Variants in PARVB observed in about 807,000 individuals in gnomAD.
The protein encoded by PARVB is beta-parvin.
PARVB carries 46 observed loss-of-function variants against 47.0 expected under a neutral mutation model. The ratio of observed to expected loss-of-function variants is 0.98; its 90% CI spans 0.77 to 1.25. The LOEUF (loss-of-function observed/expected upper bound fraction) is 1.25. Among genes scored for constraint, PARVB ranks in the 50% most tolerant of loss-of-function variants. The pLI, the probability that PARVB is intolerant of heterozygous loss-of-function variation, is 0.00. For missense variants in PARVB, 473 were observed against 471.6 expected, an observed-to-expected ratio of 1.00 and a Z score of -0.03; for synonymous variants, 196 against 196.3, an observed-to-expected ratio of 1.00 and a Z score of 0.01.
rs1006992786 is a variant in PARVB at position 44,125,059 on chromosome 22, G to A, written c.376+5919G>A. Among the ~76,000 whole-genome samples, 1 of 152,010 alleles carries A rather than the reference G, an allele frequency of 6.6e-6. No homozygotes were observed. Among genetic ancestry groups the A allele is most frequent in the African/African-American group, 2.4e-5 (1 of 41,382 alleles). ...ACCTCCTAGGCTTGTGACAGGTGGT[G>A]GTGAGGGTGGGGGGATGAGGTGCTG... is the stretch of plus-strand genomic sequence containing the variant. On this transcript the variant is annotated intron_variant, in intron 4 of 12. Transcript: ENST00000338758. This position sits in a 1 kb window ranked among gnomAD's most constrained non-coding sequence, Gnocchi z 4.1.
intron 1 of PARVB, among the ~76,000 whole-genome samples, chr22:44,085,407 T>C (rs758463062): frequency 9.9e-5 from 15 of 152,202 alleles, no homozygotes; most frequent in Non-Finnish European, 1.9e-4. Context: ...CTTCTCGGCT[T>C]CAAACTTTCT....
At chr22:44,036,486 A>T (rs6006629) in intron 1 of PARVB, among the ~76,000 whole-genome samples, 50,662 of 151,874 alleles carry the variant, frequency 0.33, 10,062 homozygotes, top group African/African-American at 0.55. Context: ...CTTAATTTTT[A>T]AAAATATTTC....
intron 12 of PARVB, among the ~76,000 whole-genome samples, chr22:44,164,526 A>T (rs891588509): frequency 6.6e-6 from 1 of 152,130 alleles, no homozygotes; most frequent in African/African-American, 2.4e-5. Context: ...TCAGCAGAAC[A>T]TGGGTGGCAC....
At chr22:44,044,191 GTT>G (rs776354860) in intron 1 of PARVB, among the ~76,000 whole-genome samples, 22 of 134,940 alleles carry the variant, frequency 1.6e-4, no homozygotes, top group African/African-American at 2.5e-4. Context: ...ATTTTTTGTG[GTT>G]TTTTTTTTTT....
At chr22:44,116,594 T>C (rs6006654) in intron 3 of PARVB, among the ~76,000 whole-genome samples, 52,839 of 152,168 alleles carry the variant, frequency 0.35, 9,269 homozygotes, top group Middle Eastern at 0.49. Flanking sequence ...CAGCAAGTGC[T>C]GGTGCTGCGG....
chr22:44,006,102 C>G (rs1444386688), intron 2 of PARVB, among the ~76,000 whole-genome samples: 1 of 152,146 alleles, frequency 6.6e-6, no homozygotes, highest in African/African-American at 2.4e-5. Flanking sequence ...GCCACCATGC[C>G]CAGCTATTTT....
intron 1 of PARVB, among the ~76,000 whole-genome samples, chr22:44,064,471 T>C (rs554307303): frequency 6.6e-6 from 1 of 152,264 alleles, no homozygotes; most frequent in South Asian, 2.1e-4. Context: ...TTCACGTCCT[T>C]GGAGGCCAAA....
chr22:44,071,202 C>T (rs1407221887), intron 1 of PARVB, among the ~76,000 whole-genome samples: 1 of 152,184 alleles, frequency 6.6e-6, no homozygotes, highest in Non-Finnish European at 1.5e-5. Flanking sequence ...TAGGAAAAGA[C>T]ACCTGCTTAG....
intron 1 of PARVB, among the ~76,000 whole-genome samples, chr22:44,027,255 A>G (rs538998619): frequency 1.3e-3 from 204 of 152,254 alleles, no homozygotes; most frequent in African/African-American, 4.6e-3. Context: ...GAAGACCAAC[A>G]ACACACAGGG....
At chr22:44,071,211 A>G (rs2051647812) in intron 1 of PARVB, among the ~76,000 whole-genome samples, 1 of 152,140 alleles carries the variant, frequency 6.6e-6, no homozygotes, top group African/African-American at 2.4e-5. Context: ...ACACCTGCTT[A>G]GCTTCCCTTA....
chr22:44,041,932 A>G (rs1452151147), intron 1 of PARVB, among the ~76,000 whole-genome samples: 1 of 151,840 alleles, frequency 6.6e-6, no homozygotes, highest in Non-Finnish European at 1.5e-5. Context: ...TACATACCCT[A>G]CATAGGTGTC....
At chr22:44,157,319 C>T (rs189001323) in intron 10 of PARVB, among the ~76,000 whole-genome samples, 3 of 152,156 alleles carry the variant, frequency 2.0e-5, no homozygotes, top group Non-Finnish European at 2.9e-5. Context: ...TGTGTCTTCA[C>T]GACAGCCCTG....
chr22:44,024,264 G>A, upstream of PARVB: 3 of 796,130 alleles, frequency 3.8e-6, no homozygotes, highest in Non-Finnish European at 3.0e-6. Flanking sequence ...CGGCGGGGCC[G>A]CGCCCTCGGC....
intron 2 of PARVB, among the ~76,000 whole-genome samples, chr22:44,095,781 G>A (rs1191372388): frequency 1.3e-5 from 2 of 152,088 alleles, no homozygotes; most frequent in East Asian, 1.9e-4. Flanking sequence ...TCCCTTTTTT[G>A]TGGTTTCCGT....
chr22:44,098,844 T>G (rs2052371793), intron 2 of PARVB, among the ~76,000 whole-genome samples: 1 of 152,150 alleles, frequency 6.6e-6, no homozygotes, highest in African/African-American at 2.4e-5. Context: ...TTATTTTATT[T>G]ATTTTTAAAA....
chr22:44,038,893 G>A (rs545172444), intron 1 of PARVB, among the ~76,000 whole-genome samples: 1 of 152,322 alleles, frequency 6.6e-6, no homozygotes, highest in African/African-American at 2.4e-5. Context: ...GAGATGGAGA[G>A]AACTTCCGCA....
At chr22:44,032,835 G>A (rs1293069214) in intron 1 of PARVB, among the ~76,000 whole-genome samples, 1 of 152,116 alleles carries the variant, frequency 6.6e-6, no homozygotes, top group African/African-American at 2.4e-5. Context: ...AGAATGCTGG[G>A]ACCAGTCAGC....
rs140871142 is a variant in PARVB, at chr22:44,017,001, G to A, written c.211+17328G>A. Among the ~76,000 whole-genome samples the A allele has an allele frequency of 4.7e-3, 721 of 152,020 alleles. 7 individuals are homozygous for A. The highest frequency in any genetic ancestry group is 0.017 in the African/African-American group (689 of 41,474). Reference sequence around the variant, plus strand: ...AGTGATTCTTCTGCCTCAGCCTCCCGAGTAGCTGGGATTACAGGTGTGCAC... The same window carrying A: ...AGTGATTCTTCTGCCTCAGCCTCCCAAGTAGCTGGGATTACAGGTGTGCAC... On this transcript the variant is annotated intron_variant, in intron 2 of 13. Coordinates refer to the PARVB transcript ENST00000406477.
At chr22:44,160,156 G>A (rs907647336) in intron 11 of PARVB, among the ~76,000 whole-genome samples, 1 of 152,160 alleles carries the variant, frequency 6.6e-6, no homozygotes, top group African/African-American at 2.4e-5. Context: ...CACTGGCCAC[G>A]TGCTGAGCAC....
Sources: allele counts gnomAD v4.1 joint callset (sites outside exome capture counted in the v4.1 genomes callset), GRCh38; gene constraint gnomAD v4.1.1; non-coding constraint Gnocchi (gnomAD v3.1); transcripts MANE v1.5; gene names NCBI Gene and HGNC (gene_info 2026-07-23, HGNC 2026-07-21).